Variants in WDR35 observed in about 807,000 individuals in gnomAD.
WDR35 encodes WD repeat-containing protein 35.
WDR35 carries 118 observed loss-of-function variants against 158.3 expected under a neutral mutation model. That is an observed-to-expected ratio of 0.75 (90% CI 0.64 to 0.87). WDR35 has a LOEUF of 0.87. Ranked by LOEUF, WDR35 falls within the 40% of genes least tolerant of loss-of-function variation. The probability of loss-of-function intolerance (pLI) is 0.00; values close to 1 mark genes in which losing one functional copy is unlikely to be tolerated. For synonymous variants in WDR35, 448 were observed against 476.1 expected, an observed-to-expected ratio of 0.94 and a Z score of 0.77; for missense variants, 1,263 against 1,405.8, an observed-to-expected ratio of 0.90 and a Z score of 1.62.
intron 23 of WDR35, among the ~76,000 whole-genome samples, chr2:19,931,841 A>C (rs1000570105): frequency 6.6e-6 from 1 of 152,112 alleles, no homozygotes; most frequent in Non-Finnish European, 1.5e-5. Context: ...TTCCTTTTTC[A>C]TTAAATCAAA....
chr2:19,975,792 C>CA, intron 5 of WDR35, 129 bp from the exon 6 acceptor site: 4 of 1,249,350 alleles, frequency 3.2e-6, no homozygotes, highest in Non-Finnish European at 4.6e-6. Flanking sequence ...TTTATTTGGC[C>CA]AATAAATATT....
At chr2:19,924,170 T>C (rs1670276806) in intron 25 of WDR35, among the ~76,000 whole-genome samples, 1 of 152,024 alleles carries the variant, frequency 6.6e-6, no homozygotes, top group Admixed American at 6.6e-5. Context: ...TGGGAAAAAA[T>C]CCCTTTATGT....
intron 3 of WDR35, among the ~76,000 whole-genome samples, chr2:19,981,993 G>C (rs1672396958): frequency 6.6e-6 from 1 of 152,114 alleles, no homozygotes; most frequent in Admixed American, 6.6e-5. Context: ...TATTACTTAT[G>C]TCTCAACAGA....
chr2:19,938,187 T>C (rs1272267558), intron 18 of WDR35, 78 bp downstream of exon 18: 6 of 1,571,820 alleles, frequency 3.8e-6, no homozygotes, highest in East Asian at 2.2e-5. Context: ...AGGAGGATAG[T>C]AGGGGAGCAG....
chr2:19,969,563 G>A lies in WDR35; in HGVS notation c.925C>T (p.Leu309=), dbSNP rs538942903. ...LKVPGKEISA[L]SWEGGGLKIA... ...TTCAGTCCACCTCCTTCCCAAGATA[G>A]TGCAGATATTTCCTTTCCAGGAACT... Residue 309 remains leucine (L), a synonymous_variant, in exon 9 of 27, where the codon CTA becomes TTA. Transcript: ENST00000281405. The A allele has an allele frequency of 6.2e-7, 1 of 1,613,866 alleles. No individual in the cohort carries two copies. The highest frequency in any genetic ancestry group is 8.5e-7 in the Non-Finnish European group (1 of 1,179,906).
chr2:19,914,134 C>T lies in WDR35; in HGVS notation c.3265G>A (p.Glu1089Lys), dbSNP rs752666297. ...KLKSLETLSSEQKQQYEDLAL... is the reference protein window; with the variant it reads ...KLKSLETLSSKQKQQYEDLAL... ...AGGTCTTCATACTGCTGTTTCTGTTCTGAACTGAGGGTCTCTAAAGATTTA... is the reference window on the plus strand; with the variant it reads ...AGGTCTTCATACTGCTGTTTCTGTTTTGAACTGAGGGTCTCTAAAGATTTA... Residue 1089 changes from glutamate to lysine, a missense_variant, in exon 26 of 27, where the codon GAA (glutamate) becomes AAA (lysine). Physicochemically the swap from Glu to Lys is moderately conservative, Grantham distance 56 (BLOSUM62 1). Coordinates refer to ENST00000281405, the MANE Select transcript of WDR35 (RefSeq NM_020779.4). 5 of 1,614,094 alleles carry T rather than the reference C, an allele frequency of 3.1e-6. No individual in the cohort carries two copies. The highest frequency in any genetic ancestry group is 4.2e-6 in the Non-Finnish European group (5 of 1,179,978).
intron 12 of WDR35, among the ~76,000 whole-genome samples, chr2:19,952,262 T>C (rs1413952766): frequency 6.6e-6 from 1 of 152,192 alleles, no homozygotes. Context: ...CTTTGGCAAA[T>C]ACTTTAAGCT....
intron 10 of WDR35, among the ~76,000 whole-genome samples, chr2:19,965,759 G>A (rs11683973): frequency 6.6e-6 from 1 of 152,038 alleles, no homozygotes; most frequent in African/African-American, 2.4e-5. Context: ...CTCAGTATAG[G>A]GGAGTGGGAT....
At chr2:19,947,682 A>G (rs74925017) in intron 14 of WDR35, among the ~76,000 whole-genome samples, 3,023 of 152,186 alleles carry the variant, frequency 0.02, 98 homozygotes, top group African/African-American at 0.068. Flanking sequence ...CCAACATAAA[A>G]TATCGGGCTA....
intron 1 of WDR35, 122 bp downstream of exon 1, chr2:19,989,870 T>C (rs1672694516): frequency 1.3e-6 from 2 of 1,504,538 alleles, no homozygotes; most frequent in Non-Finnish European, 1.8e-6. Flanking sequence ...GAAGGATGGC[T>C]GCGGAATGGC....
intron 25 of WDR35, among the ~76,000 whole-genome samples, chr2:19,929,054 G>A (rs1398563035): frequency 3.9e-5 from 6 of 152,174 alleles, no homozygotes; most frequent in Admixed American, 1.3e-4. Flanking sequence ...TGATCCACCC[G>A]CCTCAGCCTC....
At chr2:19,964,080 C>A (rs576811500) in intron 10 of WDR35, among the ~76,000 whole-genome samples, 1 of 152,240 alleles carries the variant, frequency 6.6e-6, no homozygotes, top group South Asian at 2.1e-4. Context: ...ACTATCCCTG[C>A]AAATTTTGAG....
chr2:19,950,542 G>A (rs1317905969), intron 13 of WDR35, among the ~76,000 whole-genome samples: 1 of 152,034 alleles, frequency 6.6e-6, no homozygotes, highest in Non-Finnish European at 1.5e-5. Flanking sequence ...TTATGTGAGG[G>A]TACAGGAGAA....
chr2:19,945,640 A>T, intron 16 of WDR35, 146 bp downstream of exon 16: 1 of 853,660 alleles, frequency 1.2e-6, no homozygotes, highest in Non-Finnish European at 1.8e-6. Context: ...AATCCACAGA[A>T]ATGTTCCTAT....
At chr2:19,957,450 A>G (rs1465911104) in intron 11 of WDR35, among the ~76,000 whole-genome samples, 42 of 152,196 alleles carry the variant, frequency 2.8e-4, no homozygotes, top group Non-Finnish European at 4.6e-4. Flanking sequence ...TAACAGATAC[A>G]ATGTTTTAGG....
rs536957751 is a variant in WDR35 at position 19,931,249 on chromosome 2, T to C, written c.2964+20A>G. On this transcript the variant is annotated intron_variant, in intron 24 of 26. Transcript: ENST00000281405. ...TTAAACACTTCCAATGATGTAATGT[T>C]ATTTAACGTGCTACTTTACCTCTGA... 6.2e-7 allele frequency: 1 copy of C among 1,612,148 alleles called. No individual in the cohort carries two copies. Among genetic ancestry groups the C allele is most frequent in the Non-Finnish European group, 8.5e-7 (1 of 1,179,478 alleles).
chr2:19,976,005 T>C (rs182994609), intron 5 of WDR35, among the ~76,000 whole-genome samples: 33 of 152,324 alleles, frequency 2.2e-4, no homozygotes, highest in Admixed American at 8.5e-4. Flanking sequence ...ACTGAGTCCA[T>C]GCTTACACTT....
At chr2:19,986,317 T>A (rs1329604089) in intron 2 of WDR35, among the ~76,000 whole-genome samples, 1 of 152,006 alleles carries the variant, frequency 6.6e-6, no homozygotes, top group Non-Finnish European at 1.5e-5. Flanking sequence ...GCTGGAGATA[T>A]AAATGTGGGG....
At chr2:19,984,364 C>T (rs567909830) in intron 2 of WDR35, among the ~76,000 whole-genome samples, 5 of 152,194 alleles carry the variant, frequency 3.3e-5, no homozygotes, top group African/African-American at 1.2e-4. Flanking sequence ...GTAAAGCCAG[C>T]GATAATATCC....
Sources: allele counts gnomAD v4.1 joint callset (sites outside exome capture counted in the v4.1 genomes callset), GRCh38; gene constraint gnomAD v4.1.1; transcripts MANE v1.5; gene names NCBI Gene and HGNC (gene_info 2026-07-23, HGNC 2026-07-21).